CPN1: variants seen among roughly 807,000 people sequenced by gnomAD.
CPN1 encodes carboxypeptidase N catalytic chain.
A neutral mutation model predicts 46.4 loss-of-function variants in CPN1; 37 were observed. The ratio of observed to expected loss-of-function variants is 0.80; its 90% CI spans 0.61 to 1.05. CPN1 has a LOEUF of 1.05. Among genes scored for constraint, CPN1 ranks in the 50% least tolerant of loss-of-function variants. The probability of loss-of-function intolerance (pLI) is 0.00; values close to 1 mark genes in which losing one functional copy is unlikely to be tolerated. For missense variants in CPN1, 563 were observed against 602.6 expected (o/e 0.93, Z 0.69); for synonymous variants, 224 against 235.4 (o/e 0.95, Z 0.44).
In CPN1 at chr10:100,069,885, A is replaced by G; in HGVS notation, c.421-16T>C. 6.2e-7 allele frequency: 1 copy of G among 1,613,110 alleles called. No homozygotes were observed. The highest frequency in any genetic ancestry group is 8.5e-7 in the Non-Finnish European group (1 of 1,179,900). On this transcript the variant is annotated splice_polypyrimidine_tract_variant and intron_variant, in intron 2 of 8. Transcript: ENST00000370418. ...TGTTTGGGCCCTAAAGGAAAATGAA[A>G]AGATGAAAAATGAAGGTTTCAGATT...
At chr10:100,043,112 A>G (rs1211176493) in intron 8 of CPN1, among the ~76,000 whole-genome samples, 14 of 149,224 alleles carry the variant, frequency 9.4e-5, no homozygotes, top group African/African-American at 3.5e-4. Context: ...AAAAAAAAGA[A>G]AAAAATTAGG....
intron 1 of CPN1, 58 bp from the exon 2 acceptor site, chr10:100,076,165 C>A: frequency 1.3e-6 from 2 of 1,527,362 alleles, no homozygotes; most frequent in Admixed American, 3.3e-5. Context: ...CCTAACCTTG[C>A]AGAAGGACCT....
chr10:100,064,688 A>G (rs2041442554), intron 4 of CPN1, among the ~76,000 whole-genome samples: 1 of 152,016 alleles, frequency 6.6e-6, no homozygotes, highest in Non-Finnish European at 1.5e-5. Context: ...GCCAATAATT[A>G]CAAATTTATT....
intron 1 of CPN1, among the ~76,000 whole-genome samples, chr10:100,080,749 C>T (rs948795407): frequency 2.6e-5 from 4 of 151,980 alleles, no homozygotes; most frequent in Non-Finnish European, 5.9e-5. Flanking sequence ...AAAAATTAGC[C>T]GGGCGTATTG....
At chr10:100,051,811 G>A (rs914069067) in intron 7 of CPN1, among the ~76,000 whole-genome samples, 11 of 152,294 alleles carry the variant, frequency 7.2e-5, no homozygotes, top group East Asian at 3.9e-4. Flanking sequence ...TTACAGGCAT[G>A]AGCTACTGTG....
intron 7 of CPN1, among the ~76,000 whole-genome samples, chr10:100,049,370 C>T (rs2041337010): frequency 6.6e-6 from 1 of 151,484 alleles, no homozygotes; most frequent in Non-Finnish European, 1.5e-5. Flanking sequence ...TCAAGCAATT[C>T]TCCTGCCTCA....
At chr10:100,048,668 C>T in intron 8 of CPN1, 90 bp downstream of exon 8, 2 of 987,468 alleles carry the variant, frequency 2.0e-6, no homozygotes, top group Non-Finnish European at 1.6e-6. Context: ...CACTGCACTC[C>T]AGCCTGGGTG....
In CPN1 at chr10:100,069,767, T is replaced by A. The variant is rs745404504; in HGVS notation, c.523A>T (p.Lys175Ter). 1.2e-6 allele frequency: 2 copies of A among 1,613,882 alleles called. No homozygotes were observed. The highest frequency in any genetic ancestry group is 2.2e-5 in the South Asian group (2 of 91,058). ...AGGTGGTGGTTGGGGCCTCCGTACTTCTCGTTATAGTAGATATAGGTATTG... is the reference window on the plus strand; with the variant it reads ...AGGTGGTGGTTGGGGCCTCCGTACTACTCGTTATAGTAGATATAGGTATTG... ...DLNTYIYYNE[K>*]YGGPNHHLPL... Residue 175 changes from lysine (K) to a stop codon, truncating the protein, a stop_gained, in exon 3 of 9, where the codon AAG becomes TAG. Transcript: ENST00000370418. LOFTEE classifies it high-confidence loss of function.
chr10:100,055,618 G>C (rs980385534), intron 6 of CPN1, among the ~76,000 whole-genome samples: 13 of 152,026 alleles, frequency 8.6e-5, no homozygotes, highest in African/African-American at 7.2e-5. Flanking sequence ...TCCACTTCCC[G>C]GGTTCAAGCG....
At chr10:100,056,368 T>C (rs1040248012) in intron 6 of CPN1, among the ~76,000 whole-genome samples, 1 of 152,236 alleles carries the variant, frequency 6.6e-6, no homozygotes, top group African/African-American at 2.4e-5. Flanking sequence ...TTGAAATTTT[T>C]GTTTAAATGT....
intron 6 of CPN1, among the ~76,000 whole-genome samples, chr10:100,054,885 A>G (rs1187025512): frequency 7.1e-6 from 1 of 141,270 alleles, no homozygotes; most frequent in Non-Finnish European, 1.5e-5. Flanking sequence ...GCTGTGACAG[A>G]CTATAGTAAA....
intron 8 of CPN1, among the ~76,000 whole-genome samples, chr10:100,043,481 A>G (rs1428236725): frequency 6.6e-6 from 1 of 152,140 alleles, no homozygotes; most frequent in African/African-American, 2.4e-5. Flanking sequence ...TTAGGACAAG[A>G]GCCATGATTG....
intron 3 of CPN1, among the ~76,000 whole-genome samples, chr10:100,067,327 G>T (rs1350674045): frequency 6.6e-6 from 1 of 152,096 alleles, no homozygotes. Flanking sequence ...TGTTAGCCAG[G>T]CTGGTCTCGA....
chr10:100,076,423 G>A (rs2041515760), intron 1 of CPN1, among the ~76,000 whole-genome samples: 1 of 152,204 alleles, frequency 6.6e-6, no homozygotes, highest in African/African-American at 2.4e-5. Flanking sequence ...TAATAAGGAT[G>A]GGAGAGGTTA....
At chr10:100,056,933 T>C in intron 6 of CPN1, 80 bp downstream of exon 6, 3 of 1,582,868 alleles carry the variant, frequency 1.9e-6, no homozygotes. Context: ...AAGTCAGACC[T>C]GAACCAGTGA....
At chr10:100,077,703 T>C (rs926484826) in intron 1 of CPN1, among the ~76,000 whole-genome samples, 13 of 152,346 alleles carry the variant, frequency 8.5e-5, no homozygotes, top group African/African-American at 2.9e-4. Flanking sequence ...GGATTTTCCA[T>C]AGCGAGTATT....
At chr10:100,075,370 G>A (rs1026934523) in intron 2 of CPN1, among the ~76,000 whole-genome samples, 2 of 152,150 alleles carry the variant, frequency 1.3e-5, no homozygotes, top group Admixed American at 1.3e-4. Flanking sequence ...AATAGACTAA[G>A]TGCTATACTA....
Position 100,078,182 on chromosome 10 carries a change from G to A in CPN1, c.224-2075C>T, listed in dbSNP as rs547537882. 3.3e-5 allele frequency among the ~76,000 whole-genome samples: 5 copies of A among 152,044 alleles called. No homozygotes were observed. The East Asian group carries it at 9.7e-4, about 29-fold the overall frequency. ...CCCGCCTCAGCCTCCTGAGGAGCTG[G>A]GACCACAAGTGCACACTACCACACG... On this transcript the variant is annotated intron_variant, in intron 1 of 8. Transcript: ENST00000370418.
chr10:100,045,172 C>T (rs1166711137), intron 8 of CPN1, among the ~76,000 whole-genome samples: 1 of 152,080 alleles, frequency 6.6e-6, no homozygotes. Context: ...GTATATTTGA[C>T]ATAATGATGG....
Sources: allele counts gnomAD v4.1 joint callset (sites outside exome capture counted in the v4.1 genomes callset), GRCh38; gene constraint gnomAD v4.1.1; transcripts MANE v1.5; gene names NCBI Gene and HGNC (gene_info 2026-07-23, HGNC 2026-07-21).